The following JAKMIP2 variants were observed in gnomAD, a reference collection of about 807,000 sequenced individuals.
The protein encoded by JAKMIP2 is janus kinase and microtubule interacting protein 2, also known as janus kinase and microtubule-interacting protein 2.
A neutral mutation model predicts 115.0 loss-of-function variants in JAKMIP2; 25 were observed. The observed-to-expected ratio is 0.22, with a 90% CI of 0.16 to 0.30. JAKMIP2 has a LOEUF of 0.30. Ranked by LOEUF, JAKMIP2 falls within the 10% of genes least tolerant of loss-of-function variation. The pLI is 1.00. For synonymous variants in JAKMIP2, 334 were observed against 343.6 expected, an observed-to-expected ratio of 0.97 and a Z score of 0.31; for missense variants, 642 against 957.6, an observed-to-expected ratio of 0.67 and a Z score of 4.35.
In JAKMIP2 at chr5:147,586,472, T is replaced by G. The variant is rs915005551; in HGVS notation, c.*5235A>C. On this transcript the variant is annotated 3_prime_UTR_variant, in exon 22 of 22. Coordinates refer to ENST00000616793, the MANE Select transcript of JAKMIP2 (RefSeq NM_001270941.2). The stretch of plus-strand genomic sequence containing the variant: ...TTGGAAAATTGCATCATCCACTCTT[T>G]AGTAAGTTCGTGGGATCTTGATTGT... The G allele has an allele frequency of 1.3e-5, 2 of 152,124 alleles. No homozygotes were observed. The highest frequency in any genetic ancestry group is 1.3e-4 in the Admixed American group (2 of 15,264). The allele number at this position is 152,124 out of a possible 1,614,324, so 9.4% of individuals were successfully genotyped here.
chr5:147,764,819 G>A (rs1280435720), intron 1 of JAKMIP2, among the ~76,000 whole-genome samples: 2 of 150,344 alleles, frequency 1.3e-5, no homozygotes, highest in East Asian at 4.0e-4. Context: ...CCAGGAGGCA[G>A]AGGTTGCAGT....
intron 1 of JAKMIP2, among the ~76,000 whole-genome samples, chr5:147,677,368 A>T (rs1424138094): frequency 1.3e-5 from 2 of 152,178 alleles, no homozygotes; most frequent in Non-Finnish European, 2.9e-5. Flanking sequence ...GATGTGTAAA[A>T]TTATTGATAA....
intron 21 of JAKMIP2, among the ~76,000 whole-genome samples, chr5:147,599,834 T>C (rs771406203): frequency 1.2e-4 from 18 of 152,282 alleles, no homozygotes; most frequent in Non-Finnish European, 2.6e-4. Flanking sequence ...AGTCACATGC[T>C]GTAGTTTCTC....
chr5:147,764,930 G>GAAA, intron 1 of JAKMIP2, among the ~76,000 whole-genome samples: 1 of 88,912 alleles, frequency 1.1e-5, no homozygotes, highest in Non-Finnish European at 2.0e-5. Context: ...AAGAGAGAGA[G>GAAA]AGAGAGAGAG....
In JAKMIP2 at chr5:147,721,548, G is replaced by A. The variant is rs569499719; in HGVS notation, c.-148-49594C>T. 4.6e-5 allele frequency among the ~76,000 whole-genome samples: 7 copies of A among 152,196 alleles called. No homozygotes were observed. The East Asian group carries it at 1.4e-3, about 30-fold the overall frequency. On this transcript the variant is annotated intron_variant, in intron 1 of 21. Coordinates refer to ENST00000616793, the MANE Select transcript of JAKMIP2 (RefSeq NM_001270941.2). ...CGAGCCAGGTGCGGGGTATAATCTC[G>A]TGGTGCGCCGTTTTTTAAGCCCGTC...
At chr5:147,732,322 T>C (rs556113850) in intron 1 of JAKMIP2, among the ~76,000 whole-genome samples, 8 of 152,322 alleles carry the variant, frequency 5.3e-5, no homozygotes, top group African/African-American at 1.9e-4. Flanking sequence ...AAAATAACTA[T>C]AAAAATGTTT....
chr5:147,748,218 G>C (rs1754421068), intron 1 of JAKMIP2, among the ~76,000 whole-genome samples: 1 of 152,046 alleles, frequency 6.6e-6, no homozygotes, highest in South Asian at 2.1e-4. Flanking sequence ...TGTGAAATGT[G>C]GATAATGATA....
chr5:147,766,152 C>T (rs1019369804), intron 1 of JAKMIP2, among the ~76,000 whole-genome samples: 1 of 152,170 alleles, frequency 6.6e-6, no homozygotes, highest in Non-Finnish European at 1.5e-5. Flanking sequence ...CTCTCGGCCT[C>T]ACTTCCCTCA....
In JAKMIP2 at chr5:147,661,002, G is replaced by T; in HGVS notation, c.573C>A (p.His191Gln). The T allele has an allele frequency of 6.2e-7, 1 of 1,613,994 alleles. No homozygotes were observed. Among genetic ancestry groups the T allele is most frequent in the South Asian group, 1.1e-5 (1 of 91,038 alleles). Reference sequence around the variant, plus strand: ...ACTTGATCTTCGAGATGGCTTCTTGGTGGGACTGATGCTCACTCCGAAGGT... The same window carrying T: ...ACTTGATCTTCGAGATGGCTTCTTGTTGGGACTGATGCTCACTCCGAAGGT... ...AGDLRSEHQSHQEAISKIKWE... is the reference protein window; with the variant it reads ...AGDLRSEHQSQQEAISKIKWE... Residue 191 changes from histidine (H) to glutamine (Q), a missense_variant, in exon 3 of 22, where the codon CAC becomes CAA. Physicochemically the swap from His to Gln is conservative, Grantham distance 24 (BLOSUM62 0). This residue lies in a region of JAKMIP2 where 439 missense variants were observed against 570.9 expected (regional missense o/e 0.77). Transcript: ENST00000616793.
intron 19 of JAKMIP2, among the ~76,000 whole-genome samples, chr5:147,616,118 A>G (rs1022073226): frequency 6.6e-6 from 1 of 152,132 alleles, no homozygotes; most frequent in Non-Finnish European, 1.5e-5. Flanking sequence ...AGAAGTAAGG[A>G]TAAGAACGCA....
chr5:147,607,363 A>G (rs1756077954), intron 20 of JAKMIP2, among the ~76,000 whole-genome samples: 1 of 152,282 alleles, frequency 6.6e-6, no homozygotes, highest in African/African-American at 2.4e-5. Flanking sequence ...TACCTAGTTT[A>G]TTGAGTGTTT....
intron 1 of JAKMIP2, among the ~76,000 whole-genome samples, chr5:147,689,093 G>T (rs935135454): frequency 1.3e-5 from 2 of 152,310 alleles, no homozygotes; most frequent in African/African-American, 4.8e-5. Context: ...TGATGCCTGG[G>T]GGGGAAAGCG....
At chr5:147,645,277 C>T (rs1177839777) in intron 5 of JAKMIP2, among the ~76,000 whole-genome samples, 3 of 152,118 alleles carry the variant, frequency 2.0e-5, no homozygotes, top group Non-Finnish European at 2.9e-5. Flanking sequence ...CTCGGGAGGA[C>T]GCGCTCTCCT....
At chr5:147,719,226 T>C (rs1753150535) in intron 1 of JAKMIP2, among the ~76,000 whole-genome samples, 1 of 129,714 alleles carries the variant, frequency 7.7e-6, no homozygotes. Flanking sequence ...TTTGTTATAA[T>C]TTGTGTTCTT....
chr5:147,654,544 G>A (rs1758579979), intron 3 of JAKMIP2, among the ~76,000 whole-genome samples: 2 of 152,092 alleles, frequency 1.3e-5, no homozygotes, highest in African/African-American at 2.4e-5. Flanking sequence ...GAAAGTTTGT[G>A]ATTTTTGCAC....
intron 1 of JAKMIP2, among the ~76,000 whole-genome samples, chr5:147,778,530 G>T (rs1181018218): frequency 1.3e-5 from 2 of 151,920 alleles, no homozygotes; most frequent in African/African-American, 4.8e-5. Context: ...TGAGACTAGG[G>T]ATCCAGCCTG....
At chr5:147,703,293 A>G (rs1453798470) in intron 1 of JAKMIP2, among the ~76,000 whole-genome samples, 1 of 152,158 alleles carries the variant, frequency 6.6e-6, no homozygotes, top group African/African-American at 2.4e-5. Context: ...ACAGCATGCA[A>G]CTGTACTTCA....
At chr5:147,622,676 C>T (rs960626848) in intron 17 of JAKMIP2, among the ~76,000 whole-genome samples, 2 of 152,192 alleles carry the variant, frequency 1.3e-5, no homozygotes, top group African/African-American at 4.8e-5. Flanking sequence ...TGGGTTACTT[C>T]TACCTTTTGG....
At chr5:147,680,883 T>G (rs942830242) in intron 1 of JAKMIP2, among the ~76,000 whole-genome samples, 4 of 152,170 alleles carry the variant, frequency 2.6e-5, no homozygotes, top group African/African-American at 9.7e-5. Context: ...TTTAATCCAT[T>G]ACATGTCAGT....
Sources: gnomAD v4.1 joint callset for allele counts (sites outside exome capture counted in the v4.1 genomes callset) on GRCh38, gnomAD v4.1.1 for gene constraint, gnomAD v4.1.1 regional missense constraint, MANE v1.5 for transcripts, NCBI Gene and HGNC (gene_info 2026-07-23, HGNC 2026-07-21) for gene names.